The following HIVEP3 variants were observed in gnomAD, a reference collection of about 807,000 sequenced individuals.
The protein encoded by HIVEP3 is HIVEP zinc finger 3.
Under a neutral mutation model 152.8 loss-of-function variants are expected in HIVEP3, and 49 were observed. The observed-to-expected ratio is 0.32, with a 90% CI of 0.26 to 0.41. The LOEUF is 0.41. Among genes scored for constraint, HIVEP3 ranks in the 10% least tolerant of loss-of-function variants. The pLI, the probability that HIVEP3 is intolerant of heterozygous loss-of-function variation, is 1.00. For synonymous variants in HIVEP3, 1,269 were observed against 1,289.0 expected (o/e 0.98, Z 0.33); for missense variants, 2,790 against 3,103.3 (o/e 0.90, Z 2.40).
chr1:41,715,227 AC>A (rs1448015178), intron 1 of HIVEP3, among the ~76,000 whole-genome samples: 3 of 152,172 alleles, frequency 2.0e-5, no homozygotes, highest in African/African-American at 7.2e-5. Context: ...CTCCCTGGGG[AC>A]CACCAGGGAA....
At chr1:41,963,546 G>A (rs1645181078) in intron 1 of HIVEP3, among the ~76,000 whole-genome samples, 1 of 151,246 alleles carries the variant, frequency 6.6e-6, no homozygotes, top group South Asian at 2.1e-4. Context: ...GAGGGGGGAG[G>A]GAAAGCATTA....
intron 1 of HIVEP3, among the ~76,000 whole-genome samples, chr1:41,795,058 A>G (rs1223276249): frequency 6.6e-6 from 1 of 152,214 alleles, no homozygotes; most frequent in African/African-American, 2.4e-5. Context: ...CGCCCAGGTA[A>G]ACTAAGAAAT....
At chr1:41,744,815 A>G (rs947940365) in intron 1 of HIVEP3, among the ~76,000 whole-genome samples, 1 of 152,156 alleles carries the variant, frequency 6.6e-6, no homozygotes, top group Non-Finnish European at 1.5e-5. Flanking sequence ...CAACACATAC[A>G]TATCTAACCT....
chr1:41,510,960 C>T lies in HIVEP3; in HGVS notation c.6712G>A (p.Ala2238Thr). The T allele has an allele frequency of 6.2e-7, 1 of 1,613,590 alleles. No homozygotes were observed. The highest frequency in any genetic ancestry group is 2.2e-5 in the East Asian group (1 of 44,862). Residue 2238 changes from alanine (A) to threonine (T), a missense_variant, in exon 9 of 9, where the codon GCC becomes ACC. Ala to Thr is a moderately conservative substitution (Grantham distance 58). Transcript: ENST00000372583. The stretch of plus-strand genomic sequence containing the variant: ...GGACTCCAGCGGCCTCGCTCCTGGG[C>T]CTCCCGGGCCCCTGTCAGGTCGCTG... ...GGSDLTGARE[A>T]QERGRWSPTE...
At chr1:41,889,891 C>A (rs1475891405) in intron 1 of HIVEP3, among the ~76,000 whole-genome samples, 1 of 152,244 alleles carries the variant, frequency 6.6e-6, no homozygotes, top group Non-Finnish European at 1.5e-5. Context: ...AACAAAGAAG[C>A]AGGCCTAGAA....
chr1:41,879,443 ATT>A (rs1035521800), intron 1 of HIVEP3, among the ~76,000 whole-genome samples: 4 of 152,202 alleles, frequency 2.6e-5, no homozygotes, highest in Non-Finnish European at 4.4e-5. Flanking sequence ...CCTTGCAGCC[ATT>A]TGGTTTTGAA....
At chr1:42,021,481 G>T (rs1037909891) in intron 1 of HIVEP3, among the ~76,000 whole-genome samples, 1 of 152,118 alleles carries the variant, frequency 6.6e-6, no homozygotes, top group Non-Finnish European at 1.5e-5. Flanking sequence ...GTAAGGGGGG[G>T]TTGGGAGTCA....
At chr1:41,781,859 A>G (rs1292385333) in intron 1 of HIVEP3, among the ~76,000 whole-genome samples, 3 of 152,168 alleles carry the variant, frequency 2.0e-5, no homozygotes, top group Non-Finnish European at 4.4e-5. Context: ...TTCAAGTCTC[A>G]GCTCTCCTGT....
In HIVEP3 at chr1:41,622,943, C is replaced by T. The variant is rs189629183; in HGVS notation, c.-522+5806G>A. On this transcript the variant is annotated intron_variant, in intron 3 of 8. Coordinates refer to ENST00000372583, the MANE Select transcript of HIVEP3 (RefSeq NM_024503.5). ...ATTCATTTAATCTGCAGAGTAACTG[C>T]TGGATATAGCTAGAGTTGTTATCTC... 1.5e-3 allele frequency among the ~76,000 whole-genome samples: 222 copies of T among 152,366 alleles called. 1 individual carries two copies. Among genetic ancestry groups the T allele is most frequent in the Non-Finnish European group, 1.3e-3 (91 of 68,040 alleles).
At chr1:41,903,949 G>A (rs1644669182) in intron 1 of HIVEP3, among the ~76,000 whole-genome samples, 2 of 148,116 alleles carry the variant, frequency 1.4e-5, no homozygotes, top group African/African-American at 5.0e-5. Flanking sequence ...ACCCAGGCTA[G>A]AGTGCAGTGA....
intron 3 of HIVEP3, among the ~76,000 whole-genome samples, chr1:41,605,714 G>T (rs572130110): frequency 1.3e-5 from 2 of 152,198 alleles, no homozygotes; most frequent in South Asian, 4.1e-4. Context: ...ATCTCACCGA[G>T]CAGAAAAGGG....
intron 1 of HIVEP3, among the ~76,000 whole-genome samples, chr1:41,939,032 C>A (rs966368643): frequency 2.0e-5 from 3 of 152,176 alleles, no homozygotes; most frequent in Non-Finnish European, 4.4e-5. Context: ...CCTCAGCTTA[C>A]CTTATACCTC....
intron 1 of HIVEP3, among the ~76,000 whole-genome samples, chr1:41,777,095 T>C (rs1648750918): frequency 1.3e-5 from 2 of 152,236 alleles, no homozygotes; most frequent in Non-Finnish European, 2.9e-5. Context: ...AAAGAGGTCC[T>C]GGCTTCAGCT....
chr1:41,615,308 T>C (rs1644951137), intron 3 of HIVEP3, among the ~76,000 whole-genome samples: 1 of 152,206 alleles, frequency 6.6e-6, no homozygotes, highest in Non-Finnish European at 1.5e-5. Context: ...TACTCATGGT[T>C]TATGTCCTGA....
chr1:41,518,724 G>C (rs925572209), intron 6 of HIVEP3, among the ~76,000 whole-genome samples: 2 of 152,112 alleles, frequency 1.3e-5, no homozygotes, highest in Admixed American at 6.6e-5. Flanking sequence ...GGGTGGGCGA[G>C]GGCTGTGAGG....
chr1:41,807,099 G>T (rs943531457), intron 1 of HIVEP3, among the ~76,000 whole-genome samples: 4 of 152,122 alleles, frequency 2.6e-5, no homozygotes, highest in African/African-American at 9.7e-5. Flanking sequence ...GAGGGATATC[G>T]CTCATTGACA....
At chr1:41,819,228 A>G (rs1642513566) in intron 1 of HIVEP3, among the ~76,000 whole-genome samples, 1 of 152,210 alleles carries the variant, frequency 6.6e-6, no homozygotes, top group East Asian at 1.9e-4. Flanking sequence ...GACTAATAAA[A>G]TGAATACACT....
At chr1:41,627,061 C>T (rs1309741554) in intron 3 of HIVEP3, among the ~76,000 whole-genome samples, 3 of 152,210 alleles carry the variant, frequency 2.0e-5, no homozygotes, top group Admixed American at 1.3e-4. Context: ...GCAGCAGCAT[C>T]GGTCCCCGTG....
intron 1 of HIVEP3, among the ~76,000 whole-genome samples, chr1:41,999,330 G>C (rs764465966): frequency 6.6e-6 from 1 of 152,086 alleles, no homozygotes; most frequent in Non-Finnish European, 1.5e-5. Context: ...TCTCATTCTT[G>C]ATCATTAAAG....
Sources: allele counts gnomAD v4.1 joint callset (sites outside exome capture counted in the v4.1 genomes callset), GRCh38; gene constraint gnomAD v4.1.1; transcripts MANE v1.5; gene names NCBI Gene and HGNC (gene_info 2026-07-23, HGNC 2026-07-21).